Variants in FAS observed in about 807,000 individuals in gnomAD.
FAS encodes Fas cell surface death receptor, also known as tumor necrosis factor receptor superfamily member 6.
Under a neutral mutation model 33.2 loss-of-function variants are expected in FAS, and 5 were observed. The observed-to-expected ratio is 0.15, with a 90% confidence interval of 0.08 to 0.32. FAS has a LOEUF of 0.32. Among genes scored for constraint, FAS ranks in the 10% least tolerant of loss-of-function variants. The pLI, the probability that FAS is intolerant of heterozygous loss-of-function variation, is 1.00. For synonymous variants in FAS, 131 were observed against 130.7 expected, an observed-to-expected ratio of 1.00 and a Z score of -0.01; for missense variants, 339 against 386.0, an observed-to-expected ratio of 0.88 and a Z score of 1.02.
At chr10:88,973,150 C>G in intron 1 of FAS, 10 of 1,580,730 alleles carry the variant, frequency 6.3e-6, no homozygotes, top group East Asian at 2.3e-5. Context: ...TCCCAATCCT[C>G]TCACCTTCCC....
chr10:89,005,628 TTTTG>T (rs1222756752), intron 2 of FAS, among the ~76,000 whole-genome samples: 3 of 152,138 alleles, frequency 2.0e-5, no homozygotes, highest in East Asian at 1.9e-4. Flanking sequence ...ATATATAGTT[TTTTG>T]TTTGTTTGTT....
At chr10:88,984,765 A>C (rs992669597), upstream of FAS, among the ~76,000 whole-genome samples, 1 of 152,064 alleles carries the variant, frequency 6.6e-6, no homozygotes, top group African/African-American at 2.4e-5. Context: ...CAAGAGCTAG[A>C]GTGAGAGAAA....
At chr10:89,000,088 T>C (rs1847838709) in intron 1 of FAS, among the ~76,000 whole-genome samples, 1 of 152,240 alleles carries the variant, frequency 6.6e-6, no homozygotes, top group East Asian at 1.9e-4. Flanking sequence ...AGTGGTGATA[T>C]ATTTAGTCCT....
chr10:88,973,207 T>G (rs774518423), exon 2 of FAS: 14 of 1,612,586 alleles, frequency 8.7e-6, no homozygotes, highest in Non-Finnish European at 1.1e-5. Context: ...TCTGGGATAA[T>G]TTCTGGCACT....
intron 8 of FAS, among the ~76,000 whole-genome samples, 157 bp downstream of exon 8, chr10:89,013,524 AGTTT>A (rs1475894247): frequency 1.3e-5 from 2 of 152,200 alleles, no homozygotes; most frequent in Non-Finnish European, 2.9e-5. Context: ...TTTATCAGGC[AGTTT>A]GTTTAAATTT....
intron 2 of FAS, among the ~76,000 whole-genome samples, chr10:89,005,178 G>A (rs1383827728): frequency 4.0e-5 from 5 of 123,628 alleles, no homozygotes; most frequent in African/African-American, 1.7e-4. Flanking sequence ...AAAAACGAAG[G>A]GAGGGAGGGA....
chr10:89,001,515 G>A lies in FAS; in HGVS notation c.31-1514G>A, dbSNP rs558440870. ...CGGTCATTGAGCTGTTGCTCTATTT[G>A]TAACCGTCATGCTAGATCCGAGGGC... On this transcript the variant is annotated intron_variant, in intron 1 of 8. Transcript: ENST00000652046. Among the ~76,000 whole-genome samples the A allele has an allele frequency of 2.6e-5, 4 of 151,336 alleles. No homozygotes were observed. The East Asian group carries it at 7.8e-4, about 29-fold the overall frequency.
intron 2 of FAS, among the ~76,000 whole-genome samples, chr10:89,007,079 C>T (rs755666201): frequency 2.0e-5 from 3 of 152,108 alleles, no homozygotes; most frequent in African/African-American, 4.8e-5. Flanking sequence ...CTAGGCAGGC[C>T]GAGTGCAGCT....
intron 2 of FAS, chr10:88,974,372 T>C (rs1846517016): frequency 6.6e-6 from 1 of 152,194 alleles, no homozygotes; most frequent in Admixed American, 6.5e-5. Context: ...ATTGGTACTT[T>C]ATGTATTAAA....
chr10:88,974,390 T>C (rs1235386178), intron 2 of FAS: 1 of 152,228 alleles, frequency 6.6e-6, no homozygotes, highest in Non-Finnish European at 1.5e-5. Context: ...AAAAGTGATA[T>C]TGAAACTAAA....
At chr10:88,988,428 TTTTGTTTTG>T (rs869026002), upstream of FAS, among the ~76,000 whole-genome samples, 185 of 10,272 alleles carry the variant, frequency 0.018, 2 homozygotes, top group Admixed American at 0.017. Flanking sequence ...TTTTTTTTTT[TTTTGTTTTG>T]TTTTTTATCT....
chr10:88,981,669 G>A (rs140984852), intron 2 of FAS, among the ~76,000 whole-genome samples: 108 of 152,278 alleles, frequency 7.1e-4, no homozygotes, highest in Non-Finnish European at 1.3e-3. Flanking sequence ...CCTGGGAAGG[G>A]AACACTGTAG....
chr10:88,974,245 T>C (rs1846513854), intron 2 of FAS: 1 of 149,792 alleles, frequency 6.7e-6, no homozygotes, highest in South Asian at 2.1e-4. Flanking sequence ...GCTTGACTCT[T>C]TGGTGAAAAA....
In FAS at chr10:89,015,917, C is replaced by A. The variant is rs1848788510; in HGVS notation, c.*1467C>A. On this transcript the variant is annotated 3_prime_UTR_variant, in exon 9 of 9. Transcript: ENST00000652046. ...GAAGGTACTTCCTTTTTAACCTTAA[C>A]CCTTTTAGTAGTTAAATAATTATTT... 3.0e-5 allele frequency: 9 copies of A among 298,036 alleles called. No individual in the cohort carries two copies. The South Asian group carries it at 5.2e-4, about 17-fold the overall frequency. 18.5% of individuals were successfully genotyped at this position (298,036 alleles called of 1,614,324 possible). A position where few individuals can be genotyped will look rare whatever the true frequency, so the allele number is the denominator to read the frequency against.
intron 4 of FAS, 85 bp from the exon 5 acceptor site, chr10:89,010,454 G>T (rs1848468081): frequency 1.9e-6 from 2 of 1,036,244 alleles, no homozygotes; most frequent in Non-Finnish European, 3.0e-6. Context: ...GAATAAAATG[G>T]CCCCTAATTT....
chr10:88,975,421 G>GT (rs1454989943), intron 2 of FAS, among the ~76,000 whole-genome samples: 8 of 152,122 alleles, frequency 5.3e-5, no homozygotes, highest in Non-Finnish European at 1.0e-4. Context: ...GAAAGTGTTT[G>GT]TTTTTTTCTT....
rs1163114317 is a variant in FAS at position 89,014,719 on chromosome 10, T to C, written c.*269T>C. ...AGGAGTGTATGCAGAGGATGAAAGATTAAGATTATGCTCTGGCATCTAACA... is the reference window on the plus strand; with the variant it reads ...AGGAGTGTATGCAGAGGATGAAAGACTAAGATTATGCTCTGGCATCTAACA... On this transcript the variant is annotated 3_prime_UTR_variant, in exon 9 of 9. Coordinates refer to ENST00000652046, the MANE Select transcript of FAS (RefSeq NM_000043.6). 3.2e-6 allele frequency: 2 copies of C among 621,770 alleles called. No individual in the cohort carries two copies. The highest frequency in any genetic ancestry group is 2.1e-5 in the Admixed American group (1 of 47,692). 38.5% of individuals were successfully genotyped at this position (621,770 alleles called of 1,614,324 possible). A position where few individuals can be genotyped will look rare whatever the true frequency, so the allele number is the denominator to read the frequency against.
intron 1 of FAS, among the ~76,000 whole-genome samples, chr10:88,964,664 C>T (rs976619250): frequency 6.6e-6 from 1 of 152,062 alleles, no homozygotes; most frequent in African/African-American, 2.4e-5. Flanking sequence ...GTATCTACTT[C>T]TCGATTGCTT....
intron 2 of FAS, among the ~76,000 whole-genome samples, chr10:88,979,634 C>G (rs1846660403): frequency 6.6e-6 from 1 of 151,790 alleles, no homozygotes; most frequent in Non-Finnish European, 1.5e-5. Context: ...AACAAGTCTA[C>G]ATAACCTGAG....
Sources: allele counts gnomAD v4.1 joint callset (sites outside exome capture counted in the v4.1 genomes callset), GRCh38; gene constraint gnomAD v4.1.1; transcripts MANE v1.5; gene names NCBI Gene and HGNC (gene_info 2026-07-23, HGNC 2026-07-21).